The following SYNDIG1 variants were observed in gnomAD, a reference collection of about 807,000 sequenced individuals.
SYNDIG1 encodes the protein synapse differentiation inducing 1, also known as synapse differentiation-inducing gene protein 1.
Under a neutral mutation model 19.4 loss-of-function variants are expected in SYNDIG1, and 9 were observed. The observed-to-expected ratio is 0.46, with a 90% CI of 0.28 to 0.81. The LOEUF is 0.81. Ranked by LOEUF, SYNDIG1 falls within the 30% of genes least tolerant of loss-of-function variation. The pLI is 0.12. For missense variants in SYNDIG1, 311 were observed against 343.3 expected, an observed-to-expected ratio of 0.91 and a Z score of 0.74; for synonymous variants, 141 against 145.9, an observed-to-expected ratio of 0.97 and a Z score of 0.24.
At chr20:24,483,604 C>T (rs2055859433) in intron 1 of SYNDIG1, among the ~76,000 whole-genome samples, 1 of 152,262 alleles carries the variant, frequency 6.6e-6, no homozygotes, top group Non-Finnish European at 1.5e-5. Flanking sequence ...GGAGTCCCAG[C>T]CTGAGGAAGC....
intron 3 of SYNDIG1, among the ~76,000 whole-genome samples, chr20:24,600,661 C>T (rs1383117905): frequency 9.7e-5 from 14 of 144,582 alleles, no homozygotes; most frequent in African/African-American, 3.7e-4. Context: ...GACCAGAGTG[C>T]AATGGTGCAA....
At chr20:24,491,294 A>G (rs1343292264) in intron 1 of SYNDIG1, among the ~76,000 whole-genome samples, 1 of 152,236 alleles carries the variant, frequency 6.6e-6, no homozygotes, top group Non-Finnish European at 1.5e-5. Context: ...CCTGGAGAAC[A>G]GAGGTCTGTA....
At chr20:24,628,775 G>A (rs528073322) in intron 3 of SYNDIG1, among the ~76,000 whole-genome samples, 1 of 152,084 alleles carries the variant, frequency 6.6e-6, no homozygotes, top group African/African-American at 2.4e-5. Context: ...AATGCATCGC[G>A]CTAGGGCTCT....
intron 3 of SYNDIG1, among the ~76,000 whole-genome samples, chr20:24,638,257 G>A (rs932501747): frequency 1.4e-4 from 22 of 152,064 alleles, no homozygotes; most frequent in African/African-American, 4.3e-4. Context: ...GTGCAAAATC[G>A]GATTTTTTAA....
At chr20:24,501,471 C>G (rs2056452776) in intron 1 of SYNDIG1, among the ~76,000 whole-genome samples, 1 of 152,218 alleles carries the variant, frequency 6.6e-6, no homozygotes, top group African/African-American at 2.4e-5. Flanking sequence ...AGGCCCTAAG[C>G]TGTGCTGTGC....
In SYNDIG1 at chr20:24,660,987, G is replaced by A. The variant is rs1212502166; in HGVS notation, c.619-4359G>A. ...TGCTGGACATGCATGGAGCCAGCAGGGTCCCATGGCAGCTGCACCCCCACA... is the reference window on the plus strand; with the variant it reads ...TGCTGGACATGCATGGAGCCAGCAGAGTCCCATGGCAGCTGCACCCCCACA... On this transcript the variant is annotated intron_variant, in intron 3 of 3. Coordinates refer to ENST00000376862, the MANE Select transcript of SYNDIG1 (RefSeq NM_024893.3). 2.6e-5 allele frequency among the ~76,000 whole-genome samples: 4 copies of A among 152,206 alleles called. No individual in the cohort carries two copies. The East Asian group carries it at 7.7e-4, about 29-fold the overall frequency.
chr20:24,592,257 C>G (rs13044561), intron 3 of SYNDIG1, among the ~76,000 whole-genome samples: 25,616 of 152,168 alleles, frequency 0.17, 2,458 homozygotes, highest in East Asian at 0.34. Flanking sequence ...ACTTGTCACT[C>G]AAGTAAGCCT....
chr20:24,641,952 C>T (rs1169634780), intron 3 of SYNDIG1, among the ~76,000 whole-genome samples: 2 of 152,244 alleles, frequency 1.3e-5, no homozygotes, highest in African/African-American at 4.8e-5. Flanking sequence ...ACATTTGTCA[C>T]AATTAATGAG....
chr20:24,525,273 A>ACTT (rs1480131631), intron 1 of SYNDIG1, among the ~76,000 whole-genome samples: 11 of 139,826 alleles, frequency 7.9e-5, no homozygotes, highest in African/African-American at 3.0e-4. Context: ...TTTTATACAT[A>ACTT]CTTCTTCTTC....
intron 3 of SYNDIG1, among the ~76,000 whole-genome samples, chr20:24,590,927 A>G (rs1333316313): frequency 6.6e-6 from 1 of 152,146 alleles, no homozygotes; most frequent in Non-Finnish European, 1.5e-5. Flanking sequence ...GAAGGGAACC[A>G]TCCAGCGATG....
intron 3 of SYNDIG1, among the ~76,000 whole-genome samples, chr20:24,607,745 C>A (rs1250379446): frequency 2.6e-5 from 4 of 152,232 alleles, no homozygotes; most frequent in African/African-American, 9.6e-5. Context: ...AACCTTCTAT[C>A]AATTACTTTC....
chr20:24,548,662 G>A (rs932060555), intron 2 of SYNDIG1, among the ~76,000 whole-genome samples: 2 of 152,214 alleles, frequency 1.3e-5, no homozygotes, highest in Non-Finnish European at 2.9e-5. Flanking sequence ...TTGAGGTGCT[G>A]CTGATTTGGG....
intron 3 of SYNDIG1, among the ~76,000 whole-genome samples, chr20:24,599,825 G>A (rs1233506033): frequency 6.6e-6 from 1 of 152,210 alleles, no homozygotes; most frequent in Non-Finnish European, 1.5e-5. Flanking sequence ...AACAGAGACT[G>A]GGAAGAGTGA....
chr20:24,595,531 C>T (rs1257738560), intron 3 of SYNDIG1, among the ~76,000 whole-genome samples: 1 of 152,180 alleles, frequency 6.6e-6, no homozygotes, highest in Non-Finnish European at 1.5e-5. Context: ...AAGGAGGAGT[C>T]CCTCCTCCTC....
chr20:24,491,450 T>A (rs2056145407), intron 1 of SYNDIG1: 1 of 152,238 alleles, frequency 6.6e-6, no homozygotes, highest in Non-Finnish European at 1.5e-5. Flanking sequence ...ATTGCCTTGA[T>A]GTTATTAGCT....
chr20:24,619,283 G>A (rs746661796), intron 3 of SYNDIG1, among the ~76,000 whole-genome samples: 12 of 152,186 alleles, frequency 7.9e-5, no homozygotes, highest in South Asian at 2.1e-4. Context: ...GACTGGCTGC[G>A]CAGTGTGTCC....
intron 3 of SYNDIG1, among the ~76,000 whole-genome samples, chr20:24,589,451 A>G (rs2058471341): frequency 1.3e-5 from 2 of 152,182 alleles, no homozygotes; most frequent in Non-Finnish European, 2.9e-5. Flanking sequence ...TTCTAAATTC[A>G]CCATCCCCCC....
intron 1 of SYNDIG1, among the ~76,000 whole-genome samples, chr20:24,529,983 G>GTGGTGATGGTGGTATTCC (rs2057215759): frequency 6.8e-6 from 1 of 146,438 alleles, no homozygotes; most frequent in Non-Finnish European, 1.5e-5. Context: ...GGTGATGGTG[G>GTGGTGATGGTGGTATTCC]TGGTGATGGT....
At chr20:24,539,448 G>A (rs905367599) in intron 1 of SYNDIG1, among the ~76,000 whole-genome samples, 1 of 152,094 alleles carries the variant, frequency 6.6e-6, no homozygotes, top group Non-Finnish European at 1.5e-5. Flanking sequence ...TTATTCACTT[G>A]GTCTATATGT....
Sources: allele counts gnomAD v4.1 joint callset (sites outside exome capture counted in the v4.1 genomes callset), GRCh38; gene constraint gnomAD v4.1.1; transcripts MANE v1.5; gene names NCBI Gene and HGNC (gene_info 2026-07-23, HGNC 2026-07-21).